The following MECOM variants were observed in gnomAD, a reference collection of about 807,000 sequenced individuals.
The protein encoded by MECOM is MDS1 and EVI1 complex locus.
In MECOM, 13 loss-of-function variants were observed where a neutral mutation model predicts 116.3. The ratio of observed to expected loss-of-function variants is 0.11; its 90% CI spans 0.07 to 0.18. MECOM has a LOEUF of 0.18. MECOM is among the 10% of genes least tolerant of loss of function. The pLI, the probability that MECOM is intolerant of heterozygous loss-of-function variation, is 1.00. For missense variants in MECOM, 1,299 were observed against 1,509.0 expected, an observed-to-expected ratio of 0.86 and a Z score of 2.31; for synonymous variants, 528 against 535.2, an observed-to-expected ratio of 0.99 and a Z score of 0.19.
chr3:169,641,977 C>A (rs1350884901), intron 1 of MECOM, among the ~76,000 whole-genome samples: 1 of 152,220 alleles, frequency 6.6e-6, no homozygotes, highest in Non-Finnish European at 1.5e-5. Flanking sequence ...TTTAATGATA[C>A]ATTTACCAGT....
At chr3:169,635,578 A>G (rs570018078) in intron 1 of MECOM, among the ~76,000 whole-genome samples, 155 of 152,186 alleles carry the variant, frequency 1.0e-3, no homozygotes, top group Admixed American at 1.7e-3. Context: ...CCACATTTCT[A>G]TCAAAAGTGA....
intron 1 of MECOM, among the ~76,000 whole-genome samples, chr3:169,420,606 A>G (rs1252590199): frequency 1.3e-5 from 2 of 152,158 alleles, no homozygotes; most frequent in East Asian, 3.9e-4. Flanking sequence ...CACGGACACA[A>G]TTATAGGTAG....
chr3:169,284,415 A>C (rs907957514), intron 2 of MECOM, among the ~76,000 whole-genome samples: 13 of 152,064 alleles, frequency 8.5e-5, no homozygotes, highest in African/African-American at 2.9e-4. Context: ...CTTAATCCTG[A>C]GGGTCTCCAA....
chr3:169,584,434 G>T (rs1043357239), intron 1 of MECOM, among the ~76,000 whole-genome samples: 17 of 151,446 alleles, frequency 1.1e-4, no homozygotes, highest in Admixed American at 3.3e-4. Flanking sequence ...GCGTGGTGGC[G>T]AGCGCCTGTA....
intron 1 of MECOM, among the ~76,000 whole-genome samples, chr3:169,526,124 T>TGA (rs1402003529): frequency 6.6e-6 from 1 of 152,110 alleles, no homozygotes; most frequent in African/African-American, 2.4e-5. Flanking sequence ...GAAACAATAG[T>TGA]TGACTCAGGA....
At chr3:169,477,081 A>ATGTGTG (rs374076754) in intron 1 of MECOM, 4 of 75,500 alleles carry the variant, frequency 5.3e-5, no homozygotes, top group African/African-American at 1.9e-4. Context: ...GATAAGTAAG[A>ATGTGTG]TGTGTGTGTG....
At chr3:169,190,866 A>G (rs1318527243) in intron 2 of MECOM, among the ~76,000 whole-genome samples, 1 of 152,088 alleles carries the variant, frequency 6.6e-6, no homozygotes, top group African/African-American at 2.4e-5. Context: ...AAATCAGTAC[A>G]AATGACTACT....
intron 2 of MECOM, among the ~76,000 whole-genome samples, chr3:169,290,186 T>C (rs911982872): frequency 6.6e-6 from 1 of 152,110 alleles, no homozygotes; most frequent in Non-Finnish European, 1.5e-5. Context: ...AGACAAAGCA[T>C]GCTGTATCCA....
chr3:169,152,596 T>C (rs956600905), intron 2 of MECOM, among the ~76,000 whole-genome samples: 8 of 152,230 alleles, frequency 5.3e-5, no homozygotes, highest in Non-Finnish European at 1.2e-4. Flanking sequence ...CTGGGGTCAG[T>C]CTGGCTTGCC....
chr3:169,471,776 T>C lies in MECOM; in HGVS notation c.38-90252A>G, dbSNP rs140124362. ...AGGCAAACAAAGCACTTCCATGTCG[T>C]TTCCCTCTTCTGTTTTTCTCCTTGT... On this transcript the variant is annotated intron_variant, in intron 1 of 16. Coordinates refer to ENST00000651503, the MANE Select transcript of MECOM (RefSeq NM_004991.4). Among the ~76,000 whole-genome samples, 404 of 152,344 alleles carry C rather than the reference T, an allele frequency of 2.7e-3. 2 individuals carry two copies. Among genetic ancestry groups the C allele is most frequent in the African/African-American group, 9.2e-3 (382 of 41,590 alleles).
At chr3:169,525,635 G>T (rs1757872977) in intron 1 of MECOM, among the ~76,000 whole-genome samples, 1 of 152,154 alleles carries the variant, frequency 6.6e-6, no homozygotes, top group Admixed American at 6.5e-5. Flanking sequence ...ATTCCAGGTA[G>T]CATTCTACTT....
At chr3:169,640,181 AAT>A (rs10575397) in intron 1 of MECOM, among the ~76,000 whole-genome samples, 62,844 of 151,688 alleles carry the variant, frequency 0.41, 13,255 homozygotes, top group East Asian at 0.56. Context: ...AAAAAAAATT[AAT>A]ATTTTATATG....
chr3:169,086,574 C>G, intron 16 of MECOM: 1 of 701,394 alleles, frequency 1.4e-6, no homozygotes, highest in Non-Finnish European at 2.6e-6. Flanking sequence ...TCCTATAAAA[C>G]AGATGATAGT....
chr3:169,552,477 A>G (rs970319511), intron 1 of MECOM, among the ~76,000 whole-genome samples: 9 of 152,184 alleles, frequency 5.9e-5, no homozygotes, highest in Admixed American at 5.9e-4. Context: ...AATTCTTTGC[A>G]TGTATTAACT....
In MECOM at chr3:169,663,397, G is replaced by T. The variant is rs956739263; in HGVS notation, c.-25C>A. ...TGCTGTGCCCAGTCCTGCAGCCGCT[G>T]GTGTGTGGTTGGGGCTTTTTTTTCT... On this transcript the variant is annotated 5_prime_UTR_variant, in exon 1 of 17. Transcript: ENST00000651503. 1 of 1,605,450 alleles carries T rather than the reference G, an allele frequency of 6.2e-7. No homozygotes were observed. Among genetic ancestry groups the T allele is most frequent in the African/African-American group, 1.3e-5 (1 of 74,562 alleles).
At chr3:169,289,012 G>C (rs894571157) in intron 2 of MECOM, among the ~76,000 whole-genome samples, 6 of 152,170 alleles carry the variant, frequency 3.9e-5, no homozygotes, top group African/African-American at 1.4e-4. Flanking sequence ...ATAAGTCGCT[G>C]GTGGACGTCG....
At chr3:169,344,441 G>C (rs6788042) in intron 2 of MECOM, among the ~76,000 whole-genome samples, 14,644 of 152,020 alleles carry the variant, frequency 0.096, 1,456 homozygotes, top group African/African-American at 0.24. Flanking sequence ...GGACAAATAA[G>C]AAGAGATGTA....
In MECOM at chr3:169,485,982, ATAGTATATATAT is replaced by A. The variant is rs1461156673; in HGVS notation, c.38-104470_38-104459del. On this transcript the variant is annotated intron_variant, in intron 1 of 16. Coordinates refer to ENST00000651503, the MANE Select transcript of MECOM (RefSeq NM_004991.4). ...ATATATACTATATATACATATATAT[ATAGTATATATAT>A]GTATATATATACTATATATATATGT... Among the ~76,000 whole-genome samples, 30 of 115,118 alleles carry A rather than the reference ATAGTATATATAT, an allele frequency of 2.6e-4. 1 individual carries two copies. The highest frequency in any genetic ancestry group is 8.7e-4 in the Admixed American group (9 of 10,386). 75.5% of individuals were successfully genotyped at this position (115,118 alleles called of 152,430 possible).
At chr3:169,530,758 A>G (rs1417228562) in intron 1 of MECOM, among the ~76,000 whole-genome samples, 1 of 152,162 alleles carries the variant, frequency 6.6e-6, no homozygotes, top group Non-Finnish European at 1.5e-5. Flanking sequence ...TGATGAGAAT[A>G]ATAACTCCAA....
Sources: gnomAD v4.1 joint callset for allele counts (sites outside exome capture counted in the v4.1 genomes callset) on GRCh38, gnomAD v4.1.1 for gene constraint, MANE v1.5 for transcripts, NCBI Gene and HGNC (gene_info 2026-07-23, HGNC 2026-07-21) for gene names.